SNTA1: variants seen among roughly 807,000 people sequenced by gnomAD.
SNTA1 encodes syntrophin alpha 1, also known as alpha-1-syntrophin.
In SNTA1, 31 loss-of-function variants were observed where a neutral mutation model predicts 47.1. The ratio of observed to expected loss-of-function variants is 0.66; its 90% confidence interval spans 0.49 to 0.89. The LOEUF is 0.89. SNTA1 is among the 40% of genes least tolerant of loss of function. The probability of loss-of-function intolerance (pLI) is 0.00; values close to 1 mark genes in which losing one functional copy is unlikely to be tolerated. For synonymous variants in SNTA1, 300 were observed against 313.6 expected (o/e 0.96, Z 0.46); for missense variants, 575 against 693.0 (o/e 0.83, Z 1.91).
intron 2 of SNTA1, among the ~76,000 whole-genome samples, chr20:33,420,376 C>A (rs1989990623): frequency 1.3e-5 from 2 of 152,176 alleles, no homozygotes; most frequent in Admixed American, 1.3e-4. Context: ...AACACATTTT[C>A]TTTGATGTTT....
rs1989772380 is a variant in SNTA1, at chr20:33,412,676, T to C, written c.808A>G (p.Thr270Ala). ...WATAIQAQVN[T>A]LTPRVKDELQ... is the part of the protein sequence containing the mutation. ...TCATCCTTGACCCGCGGCGTCAGAG[T>C]ATTGACCTGGGCTTGGATGGCAGTC... The change falls in exon 4 of 8, where the codon ACT becomes GCT. Residue 270 changes from threonine to alanine, a missense_variant. Coordinates refer to ENST00000217381, the MANE Select transcript of SNTA1 (RefSeq NM_003098.3). The C allele has an allele frequency of 6.2e-7, 1 of 1,613,640 alleles. No homozygotes were observed. The highest frequency in any genetic ancestry group is 1.3e-5 in the African/African-American group (1 of 74,934).
chr20:33,443,401 G>T lies in SNTA1; in HGVS notation c.220C>A (p.Pro74Thr). The T allele has an allele frequency of 3.0e-6, 4 of 1,350,250 alleles. No individual in the cohort carries two copies. The highest frequency in any genetic ancestry group is 1.8e-5 in the South Asian group (1 of 55,730). 83.6% of individuals were successfully genotyped at this position (1,350,250 alleles called of 1,614,324 possible). The part of the protein sequence containing the change: ...LNGAAEPGAG[P>T]PQLPEALLLQ... ...AGTAGCGCCTCTGGCAGCTGCGGGGGCCCGGCGCCCGGCTCCGCGGCGCCG... is the reference window on the plus strand; with the variant it reads ...AGTAGCGCCTCTGGCAGCTGCGGGGTCCCGGCGCCCGGCTCCGCGGCGCCG... Residue 74 changes from proline to threonine, a missense_variant, in exon 1 of 8, where the codon CCC becomes ACC. By Grantham distance (38) the Pro-to-Thr change is conservative. Transcript: ENST00000217381.
At chr20:33,422,325 G>A (rs1196606336) in intron 2 of SNTA1, among the ~76,000 whole-genome samples, 1 of 151,986 alleles carries the variant, frequency 6.6e-6, no homozygotes, top group Non-Finnish European at 1.5e-5. Flanking sequence ...TATAGTCCCA[G>A]CTACTCAGGA....
At position 33,408,287 on chromosome 20, in the gene SNTA1, C is replaced by A; in HGVS notation, c.*220G>T. On this transcript the variant is annotated 3_prime_UTR_variant, in exon 8 of 8. Coordinates refer to ENST00000217381, the MANE Select transcript of SNTA1 (RefSeq NM_003098.3). ...TGCAAAAGGCACTGGTGGAGGGGGG[C>A]AGCAGGAAGGCCACCCCATCACAGG... 1 of 594,860 alleles carries A rather than the reference C, an allele frequency of 1.7e-6. No individual in the cohort carries two copies. Among genetic ancestry groups the A allele is most frequent in the Non-Finnish European group, 3.0e-6 (1 of 329,654 alleles). 36.8% of individuals were successfully genotyped at this position (594,860 alleles called of 1,614,324 possible).
intron 2 of SNTA1, among the ~76,000 whole-genome samples, chr20:33,424,838 C>T (rs1200383592): frequency 1.3e-5 from 2 of 150,172 alleles, no homozygotes; most frequent in Middle Eastern, 3.2e-3. Context: ...AAAACTAGGC[C>T]GGGCACAGTG....
chr20:33,424,876 G>T lies in SNTA1; in HGVS notation c.497-6953C>A, dbSNP rs940136020. On this transcript the variant is annotated intron_variant, in intron 2 of 7. Transcript: ENST00000217381. ...TCGTGCCTGTAATCCCAGCACTTTG[G>T]GGGGCCGACGCGGGCAGATCACAAG... 2.0e-5 allele frequency among the ~76,000 whole-genome samples: 3 copies of T among 151,524 alleles called. No individual in the cohort carries two copies. The East Asian group carries it at 6.0e-4, about 30-fold the overall frequency.
At chr20:33,440,046 A>T (rs2038605226) in intron 1 of SNTA1, among the ~76,000 whole-genome samples, 2 of 151,976 alleles carry the variant, frequency 1.3e-5, no homozygotes, top group South Asian at 4.2e-4. Context: ...AATCACTTGG[A>T]CCCAGGAGGC....
intron 6 of SNTA1, 104 bp from the exon 7 acceptor site, chr20:33,408,992 A>G (rs1989671409): frequency 1.0e-6 from 1 of 975,214 alleles, no homozygotes; most frequent in Non-Finnish European, 1.6e-6. Context: ...GAATGCCTCC[A>G]GGGATGGGAG....
intron 3 of SNTA1, among the ~76,000 whole-genome samples, chr20:33,414,359 G>A (rs997163497): frequency 2.6e-5 from 4 of 151,408 alleles, no homozygotes; most frequent in Non-Finnish European, 5.9e-5. Context: ...TTGGGAAGCT[G>A]AGCCGGGCAG....
chr20:33,414,401 T>G (rs1989825531), intron 3 of SNTA1, among the ~76,000 whole-genome samples: 1 of 151,692 alleles, frequency 6.6e-6, no homozygotes, highest in Non-Finnish European at 1.5e-5. Context: ...AAAACCAACC[T>G]AGCCAACAGG....
At chr20:33,429,879 CAGCATCCCA>C (rs1990258564) in intron 2 of SNTA1, among the ~76,000 whole-genome samples, 1 of 152,172 alleles carries the variant, frequency 6.6e-6, no homozygotes, top group African/African-American at 2.4e-5. Flanking sequence ...CCTTCAGCCT[CAGCATCCCA>C]AGTAGCTGGG....
intron 5 of SNTA1, among the ~76,000 whole-genome samples, chr20:33,410,745 T>C (rs1262100198): frequency 6.6e-6 from 1 of 152,238 alleles, no homozygotes; most frequent in African/African-American, 2.4e-5. Flanking sequence ...TTTTTAATCA[T>C]GGTACCAGAA....
At chr20:33,422,445 A>C (rs896520106) in intron 2 of SNTA1, among the ~76,000 whole-genome samples, 7 of 151,126 alleles carry the variant, frequency 4.6e-5, no homozygotes, top group African/African-American at 1.7e-4. Flanking sequence ...TCTCAAAAAA[A>C]AAAAAAGAAA....
At chr20:33,438,809 G>A in intron 2 of SNTA1, 32 bp downstream of exon 2, 1 of 1,588,356 alleles carries the variant, frequency 6.3e-7, no homozygotes, top group East Asian at 2.2e-5. Context: ...CCTCCACCCA[G>A]CCCCTCTGAA....
intron 2 of SNTA1, among the ~76,000 whole-genome samples, chr20:33,421,241 C>G (rs1331582961): frequency 6.6e-6 from 1 of 151,948 alleles, no homozygotes; most frequent in Non-Finnish European, 1.5e-5. Flanking sequence ...GATTTGAATT[C>G]CAGCTCCAGC....
intron 2 of SNTA1, among the ~76,000 whole-genome samples, chr20:33,425,930 GC>G (rs1990159025): frequency 6.6e-6 from 1 of 150,832 alleles, no homozygotes; most frequent in Admixed American, 6.6e-5. Flanking sequence ...AAAAAAATTA[GC>G]CAGGCATGGT....
intron 2 of SNTA1, among the ~76,000 whole-genome samples, chr20:33,438,231 C>T (rs919764601): frequency 6.6e-6 from 1 of 152,006 alleles, no homozygotes; most frequent in Non-Finnish European, 1.5e-5. Context: ...ACCCAGGAGG[C>T]AGAGGTTGCG....
chr20:33,409,554 G>A (rs535853465), intron 6 of SNTA1, among the ~76,000 whole-genome samples: 14 of 152,072 alleles, frequency 9.2e-5, no homozygotes, highest in East Asian at 3.9e-4. Context: ...TCCATCTCCC[G>A]GGTTCAAGTG....
intron 5 of SNTA1, 32 bp downstream of exon 5, chr20:33,412,263 TG>T: frequency 6.3e-7 from 1 of 1,599,670 alleles, no homozygotes. Flanking sequence ...TGGCAAGTTC[TG>T]GGGGAGACAT....
Sources: gnomAD v4.1 joint callset for allele counts (sites outside exome capture counted in the v4.1 genomes callset) on GRCh38, gnomAD v4.1.1 for gene constraint, MANE v1.5 for transcripts, NCBI Gene and HGNC (gene_info 2026-07-23, HGNC 2026-07-21) for gene names.